RGS6: variants seen among roughly 807,000 people sequenced by gnomAD.
The protein encoded by RGS6 is regulator of G protein signaling 6.
RGS6 carries 30 observed loss-of-function variants against 78.5 expected under a neutral mutation model. The ratio of observed to expected loss-of-function variants is 0.38; its 90% CI spans 0.29 to 0.52. The LOEUF is 0.52. Among genes scored for constraint, RGS6 ranks in the 20% least tolerant of loss-of-function variants. The pLI, the probability that RGS6 is intolerant of heterozygous loss-of-function variation, is 0.85. For synonymous variants in RGS6, 206 were observed against 206.0 expected (o/e 1.00, Z 0.00); for missense variants, 495 against 609.7 (o/e 0.81, Z 1.98).
At chr14:72,478,834 C>A (rs1389644138) in intron 12 of RGS6, among the ~76,000 whole-genome samples, 3 of 152,214 alleles carry the variant, frequency 2.0e-5, no homozygotes, top group Non-Finnish European at 2.9e-5. Flanking sequence ...GCCCCTCCAG[C>A]CTGGCTTCCA....
At chr14:72,141,342 A>C (rs1390358958) in intron 2 of RGS6, among the ~76,000 whole-genome samples, 4 of 152,110 alleles carry the variant, frequency 2.6e-5, no homozygotes, top group Admixed American at 2.6e-4. Context: ...TTGAGTACTC[A>C]GTTCTGTCTC....
intron 14 of RGS6, among the ~76,000 whole-genome samples, chr14:72,512,120 C>G (rs2096885607): frequency 6.6e-6 from 1 of 152,166 alleles, no homozygotes; most frequent in Non-Finnish European, 1.5e-5. Context: ...CCCTTCTTAC[C>G]TGTTCCCCTT....
intron 2 of RGS6, among the ~76,000 whole-genome samples, chr14:71,985,603 TG>T (rs2094676705): frequency 6.6e-6 from 1 of 152,202 alleles, no homozygotes; most frequent in Non-Finnish European, 1.5e-5. Context: ...ATATATAGAC[TG>T]GGCTTCTCTG....
intron 3 of RGS6, among the ~76,000 whole-genome samples, 190 bp downstream of exon 3, chr14:72,352,384 T>C (rs1376079233): frequency 1.3e-5 from 2 of 152,216 alleles, no homozygotes; most frequent in South Asian, 2.1e-4. Flanking sequence ...TCATTAAGAA[T>C]GACCTTACCA....
intron 3 of RGS6, among the ~76,000 whole-genome samples, chr14:72,415,092 C>A (rs1315312674): frequency 6.6e-6 from 1 of 152,246 alleles, no homozygotes; most frequent in Non-Finnish European, 1.5e-5. Context: ...TTTAAGTCTG[C>A]AGAGGTTACT....
At chr14:72,013,666 T>A (rs1296334732) in intron 2 of RGS6, among the ~76,000 whole-genome samples, 1 of 152,338 alleles carries the variant, frequency 6.6e-6, no homozygotes, top group East Asian at 1.9e-4. Context: ...CAGTGAATAT[T>A]TGTGAAATAC....
chr14:72,287,201 A>G (rs1473521197), intron 2 of RGS6, among the ~76,000 whole-genome samples: 1 of 152,188 alleles, frequency 6.6e-6, no homozygotes, highest in Non-Finnish European at 1.5e-5. Context: ...TATTAGTTCT[A>G]ACAGTTTTTG....
At chr14:72,300,793 G>A (rs1168144437) in intron 2 of RGS6, among the ~76,000 whole-genome samples, 1 of 152,178 alleles carries the variant, frequency 6.6e-6, no homozygotes, top group East Asian at 1.9e-4. Context: ...GAGCTGAAGT[G>A]TATACCGTTT....
At chr14:72,439,841 G>T (rs943693263) in intron 3 of RGS6, among the ~76,000 whole-genome samples, 2 of 152,208 alleles carry the variant, frequency 1.3e-5, no homozygotes, top group Non-Finnish European at 2.9e-5. Context: ...TCTGCTGAAG[G>T]CTGTGGCTTC....
chr14:72,318,068 C>T (rs531073092), intron 2 of RGS6, among the ~76,000 whole-genome samples: 3 of 152,318 alleles, frequency 2.0e-5, no homozygotes, highest in African/African-American at 2.4e-5. Context: ...CCCACCCCAA[C>T]ACCCCATTTT....
intron 2 of RGS6, among the ~76,000 whole-genome samples, chr14:72,141,243 G>T (rs1030093631): frequency 2.6e-5 from 4 of 152,128 alleles, no homozygotes; most frequent in African/African-American, 7.2e-5. Flanking sequence ...GCTACAGATG[G>T]TTAACACAGG....
At chr14:72,412,047 G>A (rs1378435719) in intron 3 of RGS6, among the ~76,000 whole-genome samples, 2 of 152,070 alleles carry the variant, frequency 1.3e-5, no homozygotes, top group Non-Finnish European at 2.9e-5. Context: ...TGGTGTCTCT[G>A]CCAGGCTTTG....
chr14:72,065,906 A>G (rs2094122492), intron 2 of RGS6, among the ~76,000 whole-genome samples: 1 of 151,598 alleles, frequency 6.6e-6, no homozygotes. Context: ...ATATCTCCCG[A>G]TGCTATCCCT....
intron 2 of RGS6, among the ~76,000 whole-genome samples, chr14:72,243,889 A>AT (rs1317354193): frequency 6.6e-6 from 1 of 152,222 alleles, no homozygotes; most frequent in Non-Finnish European, 1.5e-5. Flanking sequence ...CTGTAGAGAA[A>AT]TAACAGCCTG....
intron 2 of RGS6, among the ~76,000 whole-genome samples, chr14:72,083,321 C>T (rs150394845): frequency 3.2e-4 from 48 of 152,224 alleles, no homozygotes; most frequent in Middle Eastern, 3.4e-3. Context: ...TCTTTGTGCT[C>T]GCTGGGGTCC....
At chr14:72,490,436 T>C (rs1168048172) in intron 12 of RGS6, among the ~76,000 whole-genome samples, 1 of 152,214 alleles carries the variant, frequency 6.6e-6, no homozygotes, top group African/African-American at 2.4e-5. Flanking sequence ...ACAGCTCTTA[T>C]TGGTGAAGCC....
intron 2 of RGS6, among the ~76,000 whole-genome samples, chr14:72,102,058 C>T (rs991591692): frequency 6.6e-6 from 1 of 152,168 alleles, no homozygotes; most frequent in Non-Finnish European, 1.5e-5. Flanking sequence ...TATTTCCTTC[C>T]GTTGGGATTT....
intron 2 of RGS6, among the ~76,000 whole-genome samples, chr14:71,999,866 C>CT (rs35391986): frequency 0.83 from 122,222 of 146,808 alleles, 50,903 homozygotes; most frequent in East Asian, 0.92. Context: ...AATTAAACCT[C>CT]TTTTTTTTTT....
chr14:72,220,462 A>G (rs2046602000), intron 2 of RGS6, among the ~76,000 whole-genome samples: 1 of 152,222 alleles, frequency 6.6e-6, no homozygotes, highest in African/African-American at 2.4e-5. Context: ...TGTCAAGTAA[A>G]TGGGAACCTG....
Sources: gnomAD v4.1 joint callset for allele counts (sites outside exome capture counted in the v4.1 genomes callset) on GRCh38, gnomAD v4.1.1 for gene constraint, MANE v1.5 for transcripts, NCBI Gene and HGNC (gene_info 2026-07-23, HGNC 2026-07-21) for gene names.